PARG: variants seen among roughly 807,000 people sequenced by gnomAD.
PARG encodes the protein poly(ADP-ribose) glycohydrolase.
A neutral mutation model predicts 113.0 loss-of-function variants in PARG; 35 were observed. That is an observed-to-expected ratio of 0.31 (90% CI 0.24 to 0.41). The LOEUF (loss-of-function observed/expected upper bound fraction) is 0.41. PARG is among the 10% of genes least tolerant of loss of function. The pLI, the probability that PARG is intolerant of heterozygous loss-of-function variation, is 1.00. For missense variants in PARG, 797 were observed against 1,169.4 expected (o/e 0.68, Z 4.64); for synonymous variants, 330 against 409.9 (o/e 0.81, Z 2.36).
chr10:49,910,435 A>AT (rs1564649939), intron 7 of PARG, among the ~76,000 whole-genome samples: 1 of 152,104 alleles, frequency 6.6e-6, no homozygotes, highest in African/African-American at 2.4e-5. Flanking sequence ...TAGGTTTTTC[A>AT]TTTTTTACTT....
chr10:49,840,527 A>C (rs1469753776), intron 15 of PARG, among the ~76,000 whole-genome samples: 1 of 152,028 alleles, frequency 6.6e-6, no homozygotes, highest in Non-Finnish European at 1.5e-5. Flanking sequence ...AGCTTTTCTG[A>C]GGGATTACTT....
intron 7 of PARG, among the ~76,000 whole-genome samples, chr10:49,902,313 T>C (rs1244486378): frequency 5.9e-5 from 9 of 152,294 alleles, no homozygotes; most frequent in Middle Eastern, 3.4e-3. Flanking sequence ...ATATTCCTCT[T>C]GAAGTAATTT....
At chr10:49,923,714 G>A (rs1174329917) in intron 4 of PARG, among the ~76,000 whole-genome samples, 2 of 151,244 alleles carry the variant, frequency 1.3e-5, no homozygotes, top group Non-Finnish European at 1.5e-5. Flanking sequence ...GCAGCTTCCT[G>A]TTAAGATCTT....
At chr10:49,860,591 T>C (rs1457196943) in intron 12 of PARG, among the ~76,000 whole-genome samples, 1 of 150,836 alleles carries the variant, frequency 6.6e-6, no homozygotes, top group Non-Finnish European at 1.5e-5. Flanking sequence ...TTGAAGATTT[T>C]AATTACAAAT....
Position 49,856,883 on chromosome 10 carries a change from C to T in PARG, c.2353+423G>A, listed in dbSNP as rs528727843. Among the ~76,000 whole-genome samples, 361 of 151,526 alleles carry T rather than the reference C, an allele frequency of 2.4e-3. 2 individuals carry two copies. Among genetic ancestry groups the T allele is most frequent in the African/African-American group, 8.2e-3 (340 of 41,278 alleles). On this transcript the variant is annotated intron_variant, in intron 13 of 17. Coordinates refer to ENST00000616448, the MANE Select transcript of PARG (RefSeq NM_003631.5). ...AATTAGCCGGGTGTGGTGACGCATGCCTGTAATCCCAGCTACTCGGGAGGC... is the reference window on the plus strand; with the variant it reads ...AATTAGCCGGGTGTGGTGACGCATGTCTGTAATCCCAGCTACTCGGGAGGC...
chr10:49,896,569 G>A (rs2132718151), intron 7 of PARG, among the ~76,000 whole-genome samples: 1 of 152,262 alleles, frequency 6.6e-6, no homozygotes, highest in Admixed American at 6.5e-5. Flanking sequence ...ACAGGCATGA[G>A]CCATCACTCC....
intron 16 of PARG, among the ~76,000 whole-genome samples, chr10:49,828,801 G>C (rs1462267784): frequency 6.6e-6 from 1 of 152,172 alleles, no homozygotes; most frequent in African/African-American, 2.4e-5. Context: ...CTTGAGCCCA[G>C]GAGGTTGAGG....
At chr10:49,824,148 G>C (rs1554829107) in intron 16 of PARG, among the ~76,000 whole-genome samples, 2 of 152,120 alleles carry the variant, frequency 1.3e-5, no homozygotes, top group African/African-American at 4.8e-5. Context: ...TGTTATAATT[G>C]TTTTCCCTCC....
rs1843935416 is a variant in PARG, at chr10:49,819,109, A to G, written c.*231T>C. The G allele has an allele frequency of 2.6e-6, 1 of 390,320 alleles. No individual in the cohort carries two copies. Among genetic ancestry groups the G allele is most frequent in the Non-Finnish European group, 4.6e-6 (1 of 218,472 alleles). The allele number at this position is 390,320 out of a possible 1,614,324, so 24.2% of individuals were successfully genotyped here. ...TAAACATCAAAGAATGAAAAACTGA[A>G]ATAGAAGAAAATAGAAACAAAACAT... On this transcript the variant is annotated 3_prime_UTR_variant, in exon 18 of 18. Coordinates refer to ENST00000616448, the MANE Select transcript of PARG (RefSeq NM_003631.5).
At chr10:49,925,757 G>C (rs1402817127) in intron 4 of PARG, among the ~76,000 whole-genome samples, 2 of 152,242 alleles carry the variant, frequency 1.3e-5, no homozygotes, top group Non-Finnish European at 2.9e-5. Context: ...GGCCTGCCAG[G>C]AGTGCCCTCA....
intron 7 of PARG, among the ~76,000 whole-genome samples, chr10:49,895,724 C>G (rs540354147): frequency 9.2e-5 from 14 of 152,010 alleles, no homozygotes; most frequent in Non-Finnish European, 1.6e-4. Context: ...ATATCTTAAC[C>G]ACACTGAGTC....
chr10:49,890,953 A>G (rs541830678), intron 7 of PARG, among the ~76,000 whole-genome samples: 1 of 152,390 alleles, frequency 6.6e-6, no homozygotes, highest in South Asian at 2.1e-4. Flanking sequence ...TGAGAAGACC[A>G]GTGTTATTTC....
intron 4 of PARG, among the ~76,000 whole-genome samples, chr10:49,927,490 G>C (rs1397299003): frequency 6.6e-6 from 1 of 151,854 alleles, no homozygotes; most frequent in East Asian, 1.9e-4. Flanking sequence ...CAACCAGAGA[G>C]AGACAGAAGA....
At position 49,933,576 on chromosome 10, in the gene PARG, G is replaced by T; in HGVS notation, c.872C>A (p.Ser291Tyr). 1 of 1,611,346 alleles carries T rather than the reference G, an allele frequency of 6.2e-7. No homozygotes were observed. The highest frequency in any genetic ancestry group is 8.5e-7 in the Non-Finnish European group (1 of 1,177,652). Residue 291 changes from serine to tyrosine, a missense_variant, in exon 3 of 18, where the codon TCT (serine) becomes TAT (tyrosine). Physicochemically the swap from Ser to Tyr is moderately radical, Grantham distance 144. This residue lies in a region of PARG where 284 missense variants were observed against 306.1 expected (regional missense o/e 0.93). Transcript: ENST00000616448. ...TTCACTTTCCTTCTCAAATGGAGGAGAATTTCCTAGGCAACTTTCTTGTCT... is the reference window on the plus strand; with the variant it reads ...TTCACTTTCCTTCTCAAATGGAGGATAATTTCCTAGGCAACTTTCTTGTCT... ...LTRQESCLGN[S>Y]PPFEKESEPE...
chr10:49,822,489 C>T (rs781938410), intron 16 of PARG, among the ~76,000 whole-genome samples: 13 of 152,028 alleles, frequency 8.6e-5, no homozygotes, highest in East Asian at 1.9e-4. Flanking sequence ...TAAAACAAAA[C>T]GAAACAAAAA....
chr10:49,868,550 C>A (rs1365016043), intron 10 of PARG, among the ~76,000 whole-genome samples: 1 of 151,978 alleles, frequency 6.6e-6, no homozygotes, highest in Non-Finnish European at 1.5e-5. Flanking sequence ...CACTGTAATG[C>A]AAGAGTAAAA....
chr10:49,841,352 C>A (rs1292431344), intron 15 of PARG, among the ~76,000 whole-genome samples: 1 of 151,982 alleles, frequency 6.6e-6, no homozygotes, highest in Non-Finnish European at 1.5e-5. Context: ...AGCCCAAAAT[C>A]CAGAGAACAG....
At chr10:49,904,690 C>T (rs1315923376) in intron 7 of PARG, among the ~76,000 whole-genome samples, 8 of 151,592 alleles carry the variant, frequency 5.3e-5, no homozygotes, top group Non-Finnish European at 1.0e-4. Flanking sequence ...CCAACGTGGG[C>T]GGATCACCTG....
At chr10:49,857,130 A>C (rs539158314) in intron 13 of PARG, among the ~76,000 whole-genome samples, 176 bp downstream of exon 13, 2 of 151,912 alleles carry the variant, frequency 1.3e-5, no homozygotes, top group Admixed American at 6.6e-5. Context: ...TGTCTTACTT[A>C]AGATTAGGAA....
Sources: gnomAD v4.1 joint callset for allele counts (sites outside exome capture counted in the v4.1 genomes callset) on GRCh38, gnomAD v4.1.1 for gene constraint, gnomAD v4.1.1 regional missense constraint, MANE v1.5 for transcripts, NCBI Gene and HGNC (gene_info 2026-07-23, HGNC 2026-07-21) for gene names.